The following CACNA2D1 variants were observed in gnomAD, a reference collection of about 807,000 sequenced individuals.
CACNA2D1 encodes the protein voltage-dependent calcium channel subunit alpha-2/delta-1.
Under a neutral mutation model 171.5 loss-of-function variants are expected in CACNA2D1, and 53 were observed. The ratio of observed to expected loss-of-function variants is 0.31; its 90% confidence interval spans 0.25 to 0.39. The LOEUF (loss-of-function observed/expected upper bound fraction) is 0.39. Among genes scored for constraint, CACNA2D1 ranks in the 10% least tolerant of loss-of-function variants. CACNA2D1 has a pLI of 1.00. For synonymous variants in CACNA2D1, 442 were observed against 443.1 expected, an observed-to-expected ratio of 1.00 and a Z score of 0.03; for missense variants, 903 against 1,299.8, an observed-to-expected ratio of 0.69 and a Z score of 4.69.
At chr7:82,146,399 GATAT>G (rs1225617801) in intron 4 of CACNA2D1, among the ~76,000 whole-genome samples, 1 of 136,284 alleles carries the variant, frequency 7.3e-6, no homozygotes, top group African/African-American at 2.7e-5. Context: ...TATATATAAA[GATAT>G]ATATTTATAT....
At chr7:82,191,867 G>A (rs559464208) in intron 3 of CACNA2D1, among the ~76,000 whole-genome samples, 19 of 151,778 alleles carry the variant, frequency 1.3e-4, no homozygotes, top group African/African-American at 4.6e-4. Context: ...TAACATACAA[G>A]CTTAATGAGA....
intron 3 of CACNA2D1, among the ~76,000 whole-genome samples, chr7:82,199,134 A>G (rs1017474816): frequency 6.6e-6 from 1 of 152,082 alleles, no homozygotes; most frequent in South Asian, 2.1e-4. Flanking sequence ...AGTTTTATTT[A>G]CATACTTTTA....
chr7:82,437,299 A>G (rs1425901515), intron 1 of CACNA2D1, among the ~76,000 whole-genome samples: 1 of 152,150 alleles, frequency 6.6e-6, no homozygotes, highest in African/African-American at 2.4e-5. Flanking sequence ...ATTGCTTTCC[A>G]TCATTTGCCA....
chr7:82,219,611 T>C (rs544292614), intron 3 of CACNA2D1, among the ~76,000 whole-genome samples: 7 of 152,268 alleles, frequency 4.6e-5, no homozygotes, highest in African/African-American at 1.7e-4. Context: ...TTCAAAGGAA[T>C]GTCATTTTCT....
At chr7:81,989,511 G>A (rs974484503) in intron 21 of CACNA2D1, among the ~76,000 whole-genome samples, 13 of 152,134 alleles carry the variant, frequency 8.5e-5, no homozygotes, top group Non-Finnish European at 1.5e-4. Context: ...TCACCTGAGC[G>A]AAAATGATGA....
At chr7:82,262,618 T>A (rs1011035074) in intron 3 of CACNA2D1, among the ~76,000 whole-genome samples, 3 of 152,150 alleles carry the variant, frequency 2.0e-5, no homozygotes, top group Non-Finnish European at 4.4e-5. Flanking sequence ...GTATGATGCC[T>A]TGGCATGCTG....
At chr7:82,341,983 G>A (rs529210978) in intron 2 of CACNA2D1, among the ~76,000 whole-genome samples, 1 of 150,822 alleles carries the variant, frequency 6.6e-6, no homozygotes, top group African/African-American at 2.4e-5. Flanking sequence ...GAACCTGGGA[G>A]GCGGAGCTTG....
At chr7:82,322,015 A>G (rs1433074259) in intron 3 of CACNA2D1, among the ~76,000 whole-genome samples, 3 of 146,394 alleles carry the variant, frequency 2.0e-5, no homozygotes, top group African/African-American at 7.5e-5. Flanking sequence ...AGTCCCAGCT[A>G]CTTGGGAGGC....
intron 4 of CACNA2D1, among the ~76,000 whole-genome samples, chr7:82,140,013 A>C (rs1741778817): frequency 6.6e-6 from 1 of 150,698 alleles, no homozygotes; most frequent in Non-Finnish European, 1.5e-5. Flanking sequence ...CTGGTTTCGA[A>C]CTCCTGACCT....
At chr7:82,419,214 G>T (rs973074563) in intron 1 of CACNA2D1, among the ~76,000 whole-genome samples, 3 of 151,638 alleles carry the variant, frequency 2.0e-5, no homozygotes, top group African/African-American at 7.3e-5. Flanking sequence ...CTCTGTAATT[G>T]TACCTCTCTG....
chr7:82,206,582 A>T (rs114021488), intron 3 of CACNA2D1, among the ~76,000 whole-genome samples: 2,062 of 152,274 alleles, frequency 0.014, 43 homozygotes, highest in African/African-American at 0.046. Flanking sequence ...TGCAAATTTA[A>T]TTGCAAGAAC....
At chr7:82,138,940 C>T (rs1792034496) in intron 4 of CACNA2D1, among the ~76,000 whole-genome samples, 1 of 152,104 alleles carries the variant, frequency 6.6e-6, no homozygotes, top group South Asian at 2.1e-4. Context: ...ATAAGTTCAT[C>T]TTCATTTTAG....
At chr7:82,282,281 G>A (rs1049089252) in intron 3 of CACNA2D1, among the ~76,000 whole-genome samples, 6 of 152,302 alleles carry the variant, frequency 3.9e-5, no homozygotes, top group African/African-American at 1.4e-4. Flanking sequence ...CTGGGGGACA[G>A]AACCAGATTC....
intron 1 of CACNA2D1, among the ~76,000 whole-genome samples, chr7:82,411,541 T>C (rs1192054455): frequency 6.6e-6 from 1 of 152,152 alleles, no homozygotes; most frequent in Non-Finnish European, 1.5e-5. Context: ...ATTCAAAAGA[T>C]AAAGAAGTAA....
At chr7:81,983,164 C>T in intron 23 of CACNA2D1, 150 bp downstream of exon 23, 1 of 678,718 alleles carries the variant, frequency 1.5e-6, no homozygotes, top group Admixed American at 2.6e-5. Context: ...ATTCTTTCTA[C>T]CATTTTTTTG....
At chr7:82,380,275 T>C (rs1823539886) in intron 1 of CACNA2D1, among the ~76,000 whole-genome samples, 1 of 152,198 alleles carries the variant, frequency 6.6e-6, no homozygotes, top group Non-Finnish European at 1.5e-5. Flanking sequence ...CCAAAACATG[T>C]ACAACAACTC....
chr7:82,081,922 C>CT (rs1809829731), intron 7 of CACNA2D1, among the ~76,000 whole-genome samples: 1 of 152,120 alleles, frequency 6.6e-6, no homozygotes, highest in South Asian at 2.1e-4. Context: ...GAAGCGGGCT[C>CT]TATGTGGGGC....
chr7:82,000,087 C>T (rs186174657), intron 18 of CACNA2D1, among the ~76,000 whole-genome samples: 1 of 151,820 alleles, frequency 6.6e-6, no homozygotes, highest in Non-Finnish European at 1.5e-5. Flanking sequence ...AATGAAACCC[C>T]GTCTCTACTA....
intron 10 of CACNA2D1, among the ~76,000 whole-genome samples, chr7:82,044,249 T>G (rs75664007): frequency 0.026 from 3,903 of 152,268 alleles, 174 homozygotes; most frequent in African/African-American, 0.087. Context: ...GTATGGATTC[T>G]AAATGTTTAA....
Sources: allele counts gnomAD v4.1 joint callset (sites outside exome capture counted in the v4.1 genomes callset), GRCh38; gene constraint gnomAD v4.1.1; transcripts MANE v1.5; gene names NCBI Gene and HGNC (gene_info 2026-07-23, HGNC 2026-07-21).